The following POLI variants were observed in gnomAD, a reference collection of about 807,000 sequenced individuals.
POLI encodes the protein DNA polymerase iota, also known as RAD30 homolog B.
Under a neutral mutation model 51.6 loss-of-function variants are expected in POLI, and 58 were observed. That is an observed-to-expected ratio of 1.12 (90% CI 0.91 to 1.40). The LOEUF is 1.40. Ranked by LOEUF, POLI falls within the 40% of genes most tolerant of loss-of-function variation. The pLI is 0.00. For missense variants in POLI, 921 were observed against 871.3 expected (o/e 1.06, Z -0.72); for synonymous variants, 322 against 299.7 (o/e 1.07, Z -0.77).
intron 6 of POLI, among the ~76,000 whole-genome samples, chr18:54,283,517 T>TTC (rs946414961): frequency 6.6e-5 from 10 of 152,046 alleles, no homozygotes; most frequent in African/African-American, 1.9e-4. Flanking sequence ...CTTCCTTCCA[T>TTC]TCTCTCTCTC....
Position 54,269,645 on chromosome 18 carries a change from G to T in POLI, c.99G>T (p.Ala33=), listed in dbSNP as rs757784947. 6.6e-7 allele frequency: 1 copy of T among 1,508,390 alleles called. No homozygotes were observed. Among genetic ancestry groups the T allele is most frequent in the Admixed American group, 2.2e-5 (1 of 45,354 alleles). The allele number at this position is 1,508,390 out of a possible 1,614,324, so 93.4% of individuals were successfully genotyped here. A position where few individuals can be genotyped will look rare whatever the true frequency, so the allele number is the denominator to read the frequency against. Residue 33 remains alanine, a synonymous_variant, in exon 1 of 10, where the codon GCG becomes GCT. Coordinates refer to ENST00000579534, the MANE Select transcript of POLI (RefSeq NM_007195.3). ...AWAMELADVG[A]AASSQGVHDQ... is the part of the protein sequence containing the mutation. ...CCATGGAACTGGCGGACGTGGGGGC[G>T]GCAGCCAGCTCGCAGGGTGCGCCGC...
intron 1 of POLI, 126 bp from the exon 2 acceptor site, chr18:54,271,234 A>G (rs972556633): frequency 1.8e-5 from 13 of 728,652 alleles, no homozygotes; most frequent in Non-Finnish European, 2.6e-5. Flanking sequence ...GCTTTCACAC[A>G]TAATCCAGGA....
intron 3 of POLI, among the ~76,000 whole-genome samples, chr18:54,312,697 C>T (rs1335416239): frequency 6.6e-6 from 1 of 152,106 alleles, no homozygotes; most frequent in Non-Finnish European, 1.5e-5. Context: ...TTGCATTTCT[C>T]TGATAATTAG....
At chr18:54,302,584 T>G (rs1490263827), downstream of POLI, among the ~76,000 whole-genome samples, 2 of 152,208 alleles carry the variant, frequency 1.3e-5, no homozygotes, top group Non-Finnish European at 2.9e-5. Context: ...AAATGGGGTA[T>G]CCATCCCCTC....
chr18:54,294,913 A>G lies in POLI; in HGVS notation c.*446A>G, dbSNP rs779327357. ...CTGCCAACTAACCTATTAAAAATATAGATAGTTTTGACTAAAGTACTACAT... is the reference window on the plus strand; with the variant it reads ...CTGCCAACTAACCTATTAAAAATATGGATAGTTTTGACTAAAGTACTACAT... On this transcript the variant is annotated 3_prime_UTR_variant, in exon 10 of 10. Coordinates refer to ENST00000579534, the MANE Select transcript of POLI (RefSeq NM_007195.3). 2.7e-5 allele frequency: 26 copies of G among 978,492 alleles called. No individual in the cohort carries two copies. Among genetic ancestry groups the G allele is most frequent in the Middle Eastern group, 5.2e-4 (1 of 1,926 alleles). 60.6% of individuals were successfully genotyped at this position (978,492 alleles called of 1,614,324 possible).
At position 54,295,354 on chromosome 18, in the gene POLI, G is replaced by A. The variant is rs938047026; in HGVS notation, c.*887G>A. 12 of 984,624 alleles carry A rather than the reference G, an allele frequency of 1.2e-5. No individual in the cohort carries two copies. The highest frequency in any genetic ancestry group is 1.2e-5 in the Non-Finnish European group (10 of 829,316). 61.0% of individuals were successfully genotyped at this position (984,624 alleles called of 1,614,324 possible). A position where few individuals can be genotyped will look rare whatever the true frequency, so the allele number is the denominator to read the frequency against. On this transcript the variant is annotated 3_prime_UTR_variant, in exon 10 of 10. Transcript: ENST00000579534. ...ATAGACCATTACTAAATTGGTGGAT[G>A]TCCTCTTTCTCCCATTGTTATTGCC...
At chr18:54,300,887 A>G (rs940493481), downstream of POLI, among the ~76,000 whole-genome samples, 2 of 152,258 alleles carry the variant, frequency 1.3e-5, no homozygotes, top group African/African-American at 2.4e-5. Context: ...GAGTCAGTTC[A>G]TCAGGAGAAT....
At chr18:54,270,635 C>T (rs2086963816) in intron 1 of POLI, 1 of 150,788 alleles carries the variant, frequency 6.6e-6, no homozygotes, top group Non-Finnish European at 1.5e-5. Flanking sequence ...CGTTCATTTT[C>T]TGTTCCAGGA....
chr18:54,310,551 G>A (rs1328888279), intron 3 of POLI, among the ~76,000 whole-genome samples: 1 of 150,592 alleles, frequency 6.6e-6, no homozygotes, highest in Non-Finnish European at 1.5e-5. Context: ...ATTGATTCAT[G>A]TTAACAATTT....
chr18:54,290,544 G>T (rs1479865920), intron 8 of POLI, among the ~76,000 whole-genome samples: 3 of 152,150 alleles, frequency 2.0e-5, no homozygotes, highest in Admixed American at 6.5e-5. Context: ...GTTTATTGTG[G>T]CACTATTCAC....
chr18:54,275,981 ATTT>A (rs142568896), intron 3 of POLI, among the ~76,000 whole-genome samples: 1 of 149,106 alleles, frequency 6.7e-6, no homozygotes, highest in African/African-American at 2.5e-5. Context: ...TCTTCAAGGT[ATTT>A]TTTTTTTCTG....
chr18:54,277,641 A>G, intron 3 of POLI, 62 bp from the exon 4 acceptor site: 1 of 1,008,802 alleles, frequency 9.9e-7, no homozygotes, highest in East Asian at 2.6e-5. Flanking sequence ...AGCACTAGAT[A>G]GTTAAATTTA....
chr18:54,273,985 A>C lies in POLI; in HGVS notation c.301A>C (p.Lys101Gln). 1 of 1,584,824 alleles carries C rather than the reference A, an allele frequency of 6.3e-7. No homozygotes were observed. Among genetic ancestry groups the C allele is most frequent in the Non-Finnish European group, 8.6e-7 (1 of 1,163,882 alleles). ...CNYEARKLGV[K>Q]KLMNVRDAKE... is the part of the protein sequence containing the mutation. Reference sequence around the variant, plus strand: ...CTATGAAGCTAGGAAACTTGGAGTTAAGAAACTTATGAATGTCAGAGATGC... The same window carrying C: ...CTATGAAGCTAGGAAACTTGGAGTTCAGAAACTTATGAATGTCAGAGATGC... Residue 101 changes from lysine to glutamine, a missense_variant, in exon 3 of 10, where the codon AAG (lysine) becomes CAG (glutamine). By Grantham distance (53) the Lys-to-Gln change is moderately conservative. Coordinates refer to ENST00000579534, the MANE Select transcript of POLI (RefSeq NM_007195.3).
downstream of POLI, among the ~76,000 whole-genome samples, chr18:54,299,271 C>G (rs2088448280): frequency 6.6e-6 from 1 of 152,072 alleles, no homozygotes; most frequent in African/African-American, 2.4e-5. Flanking sequence ...CCTGTCTCTA[C>G]CAAAATACAA....
At chr18:54,274,993 G>A (rs2087174586) in intron 3 of POLI, 1 of 152,120 alleles carries the variant, frequency 6.6e-6, no homozygotes, top group Admixed American at 6.5e-5. Context: ...GGGAAAAAAT[G>A]CTCAAATTCA....
chr18:54,273,212 A>G (rs939429975), intron 2 of POLI, among the ~76,000 whole-genome samples: 5 of 152,038 alleles, frequency 3.3e-5, no homozygotes, highest in Non-Finnish European at 7.4e-5. Flanking sequence ...GAACAGTTCA[A>G]TAAGTAGTAC....
Position 54,296,817 on chromosome 18 carries a change from T to C in POLI, c.*2350T>C. On this transcript the variant is annotated 3_prime_UTR_variant, in exon 10 of 10. Transcript: ENST00000579534. The stretch of plus-strand genomic sequence containing the variant: ...ATTTGATTCTTTTTAACTTCCCGTT[T>C]ACTCATTACAGTCCCTTGTAAGTCT... The C allele has an allele frequency of 1.8e-6, 1 of 554,696 alleles. No individual in the cohort carries two copies. Among genetic ancestry groups the C allele is most frequent in the Non-Finnish European group, 2.3e-6 (1 of 439,308 alleles). 34.4% of individuals were successfully genotyped at this position (554,696 alleles called of 1,614,324 possible).
chr18:54,271,934 T>C (rs2087023885), intron 2 of POLI, among the ~76,000 whole-genome samples: 1 of 152,206 alleles, frequency 6.6e-6, no homozygotes, highest in South Asian at 2.1e-4. Context: ...CTAAGTATTA[T>C]TAAGACAGCA....
intron 8 of POLI, among the ~76,000 whole-genome samples, chr18:54,290,672 C>T (rs1210960172): frequency 1.3e-5 from 2 of 152,126 alleles, no homozygotes; most frequent in African/African-American, 4.8e-5. Flanking sequence ...AGTTCATGTC[C>T]TTTGCAAGGA....
Sources: gnomAD v4.1 joint callset for allele counts (sites outside exome capture counted in the v4.1 genomes callset) on GRCh38, gnomAD v4.1.1 for gene constraint, MANE v1.5 for transcripts, NCBI Gene and HGNC (gene_info 2026-07-23, HGNC 2026-07-21) for gene names.